DDX5: variants seen among roughly 807,000 people sequenced by gnomAD.
DDX5 encodes the protein DEAD-box helicase 5, also known as probable ATP-dependent RNA helicase DDX5.
A neutral mutation model predicts 68.6 loss-of-function variants in DDX5; 6 were observed. The observed-to-expected ratio is 0.09, with a 90% CI of 0.05 to 0.17. The LOEUF is 0.17. DDX5 is among the 10% of genes least tolerant of loss of function. The pLI is 1.00. For synonymous variants in DDX5, 350 were observed against 247.0 expected (o/e 1.42, Z -3.91); for missense variants, 499 against 756.1 (o/e 0.66, Z 3.99).
intron 1 of DDX5, chr17:64,505,422 G>C (rs1231688389): frequency 5.5e-6 from 3 of 544,414 alleles, no homozygotes; most frequent in South Asian, 4.7e-5. Context: ...AAAAGAAAAG[G>C]AGGAGCCGGC....
chr17:64,505,738 C>G (rs16947825), intron 1 of DDX5: 166,760 of 1,535,720 alleles, frequency 0.11, 24,549 homozygotes, highest in African/African-American at 0.71. Flanking sequence ...CCTCCCGAAA[C>G]GCCGCACCTA....
chr17:64,500,868 C>T (rs2038280261), intron 11 of DDX5, 95 bp from the exon 12 acceptor site: 2 of 889,032 alleles, frequency 2.2e-6, no homozygotes, highest in African/African-American at 1.7e-5. Flanking sequence ...AATTGTATTC[C>T]CAAGAAGGTA....
intron 9 of DDX5, 89 bp downstream of exon 9, chr17:64,502,350 T>G: frequency 6.9e-7 from 1 of 1,447,846 alleles, no homozygotes. Flanking sequence ...CACTATCAGA[T>G]ATGAAAAAAA....
At chr17:64,501,010 GA>G in intron 11 of DDX5, 2 of 560,680 alleles carry the variant, frequency 3.6e-6, no homozygotes, top group Non-Finnish European at 6.4e-6. Flanking sequence ...CTGTCAAAAG[GA>G]ATGTGTGTTC....
Position 64,504,734 on chromosome 17 carries a change from C to G in DDX5, c.153G>C (p.Leu51=). The change falls in exon 2 of 13, where the codon CTG becomes CTC. Residue 51 remains leucine (L), a synonymous_variant. Transcript: ENST00000225792. ...GATAAAAATTCTTCTCAAATTTAGG[C>G]AGCTCATCAAGATTCCACTTCTTTT... is the stretch of plus-strand genomic sequence containing the variant. ...LVKKKWNLDE[L]PKFEKNFYQE... 1 of 1,614,036 alleles carries G rather than the reference C, an allele frequency of 6.2e-7. No homozygotes were observed. Among genetic ancestry groups the G allele is most frequent in the Non-Finnish European group, 8.5e-7 (1 of 1,179,962 alleles).
rs1388279987 is a variant in DDX5 at position 64,500,574 on chromosome 17, A to T, written c.1416T>A (p.Leu472=). Residue 472 remains leucine, a synonymous_variant, in exon 12 of 13, where the codon CTT becomes CTA. Coordinates refer to ENST00000225792, the MANE Select transcript of DDX5 (RefSeq NM_004396.5). ...CTGAACCTCTGTCTTCGACCAACTGAAGCAACTTGGGATTAATTGCTTGAT... is the reference window on the plus strand; with the variant it reads ...CTGAACCTCTGTCTTCGACCAACTGTAGCAACTTGGGATTAATTGCTTGAT... ...EANQAINPKL[L]QLVEDRGSGR... The T allele has an allele frequency of 6.2e-7, 1 of 1,613,958 alleles. No homozygotes were observed. Among genetic ancestry groups the T allele is most frequent in the Non-Finnish European group, 8.5e-7 (1 of 1,179,972 alleles).
intron 8 of DDX5, 175 bp downstream of exon 8, chr17:64,502,751 G>C (rs1321932131): frequency 2.7e-6 from 2 of 753,774 alleles, no homozygotes; most frequent in East Asian, 5.4e-5. Context: ...CTATAGGAAA[G>C]CTATAAATGG....
In DDX5 at chr17:64,504,324, A is replaced by T. The variant is rs2038371070; in HGVS notation, c.211-6T>A. ...CTGTATGTTTCCACCTCTTGCTGCA[A>T]AACAAATTATAACAGTCTTAAAATT... On this transcript the variant is annotated splice_polypyrimidine_tract_variant and splice_region_variant and intron_variant, in intron 2 of 12. Coordinates refer to ENST00000225792, the MANE Select transcript of DDX5 (RefSeq NM_004396.5). 4.3e-6 allele frequency: 7 copies of T among 1,611,934 alleles called. No individual in the cohort carries two copies. Among genetic ancestry groups the T allele is most frequent in the Non-Finnish European group, 5.9e-6 (7 of 1,178,298 alleles).
At chr17:64,503,727 A>G (rs1555671532) in intron 5 of DDX5, 76 bp downstream of exon 5, 2 of 1,552,268 alleles carry the variant, frequency 1.3e-6, no homozygotes, top group African/African-American at 1.4e-5. Context: ...ACCACCACAA[A>G]TGATTACATC....
rs781885873 is a variant in DDX5 at position 64,506,066 on chromosome 17, C to G, written c.44+10G>C. ...CCCGCCAGGCCTGACAGCTCGGCTC[C>G]CAAACTCACCCTCGGTCCCGGCCGC... On this transcript the variant is annotated intron_variant, in intron 1 of 12. Coordinates refer to ENST00000225792, the MANE Select transcript of DDX5 (RefSeq NM_004396.5). 24 of 1,598,428 alleles carry G rather than the reference C, an allele frequency of 1.5e-5. No individual in the cohort carries two copies. In the African/African-American group the frequency reaches 2.8e-4, roughly 19 times the overall value.
chr17:64,505,669 A>C (rs1202103168), intron 1 of DDX5: 8 of 1,441,596 alleles, frequency 5.5e-6, no homozygotes, highest in Admixed American at 2.0e-5. Context: ...CCCCAACAGC[A>C]CCAGGGCTTT....
upstream of DDX5, chr17:64,506,802 A>C (rs2038554896): frequency 1.8e-6 from 1 of 564,030 alleles, no homozygotes; most frequent in African/African-American, 1.9e-5. Context: ...CTGCCGGCTG[A>C]TGTGGACCGT....
At chr17:64,501,718 C>G (rs1383381088) in intron 11 of DDX5, 7 of 448,092 alleles carry the variant, frequency 1.6e-5, no homozygotes, top group Non-Finnish European at 2.8e-5. Context: ...TTTTTTCCCT[C>G]GGAGAGAACA....
chr17:64,505,953 A>AG (rs1309688850), intron 1 of DDX5, 123 bp downstream of exon 1: 52 of 1,537,056 alleles, frequency 3.4e-5, no homozygotes, highest in Non-Finnish European at 4.5e-5. Flanking sequence ...CCTTCGGGAA[A>AG]GGAAGTCCCA....
rs782646846 is a variant in DDX5 at position 64,500,307 on chromosome 17, T to G, written c.1461A>C (p.Gly487=). 4 of 1,609,646 alleles carry G rather than the reference T, an allele frequency of 2.5e-6. No individual in the cohort carries two copies. Among genetic ancestry groups the G allele is most frequent in the Non-Finnish European group, 3.4e-6 (4 of 1,177,268 alleles). The part of the protein sequence containing the change: ...DRGSGRSRGR[G]GMKDDRRDRY... ...TGTCCCGACGGTCATCCTTCATGCC[T>G]CCTCTACCCCTGGAACGACCTGTCA... is the stretch of plus-strand genomic sequence containing the variant. Residue 487 remains glycine (G), a synonymous_variant, in exon 13 of 13, where the codon GGA becomes GGC. Coordinates refer to ENST00000225792, the MANE Select transcript of DDX5 (RefSeq NM_004396.5).
intron 6 of DDX5, 31 bp downstream of exon 6, chr17:64,503,399 A>G (rs782703434): frequency 6.2e-7 from 1 of 1,614,028 alleles, no homozygotes; most frequent in Non-Finnish European, 8.5e-7. Flanking sequence ...ATTTAGCACC[A>G]ATGACAAATA....
In DDX5 at chr17:64,504,758, T is replaced by C; in HGVS notation, c.129A>G (p.Lys43=). Residue 43 remains lysine, a synonymous_variant, in exon 2 of 13, where the codon AAA becomes AAG. Coordinates refer to ENST00000225792, the MANE Select transcript of DDX5 (RefSeq NM_004396.5). ...GCAGCTCATCAAGATTCCACTTCTTTTTAACTAATTTCTCCCCAGGGTTTC... is the reference window on the plus strand; with the variant it reads ...GCAGCTCATCAAGATTCCACTTCTTCTTAACTAATTTCTCCCCAGGGTTTC... The part of the protein sequence containing the change: ...KFGNPGEKLV[K]KKWNLDELPK... 2 of 1,614,156 alleles carry C rather than the reference T, an allele frequency of 1.2e-6. No individual in the cohort carries two copies. Among genetic ancestry groups the C allele is most frequent in the Non-Finnish European group, 1.7e-6 (2 of 1,180,022 alleles).
Position 64,503,426 on chromosome 17 carries a change from A to G in DDX5, c.649+4T>C, listed in dbSNP as rs1568103752. 2 of 1,614,222 alleles carry G rather than the reference A, an allele frequency of 1.2e-6. No individual in the cohort carries two copies. Among genetic ancestry groups the G allele is most frequent in the African/African-American group, 2.7e-5 (2 of 75,062 alleles). Reference sequence around the variant, plus strand: ...TGACAAATAAAACCCTTTTCATTACATACCTCTCTCCAAATCACGTATTTG... The same window carrying G: ...TGACAAATAAAACCCTTTTCATTACGTACCTCTCTCCAAATCACGTATTTG... On this transcript the variant is annotated splice_donor_region_variant and intron_variant, in intron 6 of 12. Transcript: ENST00000225792.
chr17:64,505,992 C>T (rs1598158408), intron 1 of DDX5, 84 bp downstream of exon 1: 3 of 1,542,906 alleles, frequency 1.9e-6, no homozygotes, highest in East Asian at 4.9e-5. Flanking sequence ...AAGTCCAAGC[C>T]GCAAAGCCCC....
Sources: gnomAD v4.1 joint callset for allele counts on GRCh38, gnomAD v4.1.1 for gene constraint, MANE v1.5 for transcripts, NCBI Gene and HGNC (gene_info 2026-07-23, HGNC 2026-07-21) for gene names.